PCDHA2: variants seen among roughly 807,000 people sequenced by gnomAD.
PCDHA2 encodes protocadherin alpha-2.
A neutral mutation model predicts 66.0 loss-of-function variants in PCDHA2; 58 were observed. That is an observed-to-expected ratio of 0.88 (90% CI 0.71 to 1.09). The LOEUF (loss-of-function observed/expected upper bound fraction) is 1.09, where lower values mean the gene tolerates loss of function less well. PCDHA2 is among the 50% of genes least tolerant of loss of function. PCDHA2 has a pLI of 0.00. For synonymous variants in PCDHA2, 634 were observed against 554.0 expected, an observed-to-expected ratio of 1.14 and a Z score of -2.03; for missense variants, 1,267 against 1,242.3, an observed-to-expected ratio of 1.02 and a Z score of -0.30.
At chr5:140,944,003 C>T (rs1185007409) in intron 1 of PCDHA2, among the ~76,000 whole-genome samples, 1 of 152,038 alleles carries the variant, frequency 6.6e-6, no homozygotes, top group Admixed American at 6.6e-5. Flanking sequence ...CTACTGAGTA[C>T]CCCCCAAAAG....
rs2150253260 is a variant in PCDHA2, at chr5:140,836,120, G to C, written c.2388+38768G>C. 16 of 1,613,628 alleles carry C rather than the reference G, an allele frequency of 9.9e-6. No individual in the cohort carries two copies. The African/African-American group carries it at 1.7e-4, about 18-fold the overall frequency. Reference sequence around the variant, plus strand: ...GTGGCACTGGTGGCGCAGTGAGAGAGCTTGTGCCGCGGTCTGTGGGCGCGG... The same window carrying C: ...GTGGCACTGGTGGCGCAGTGAGAGACCTTGTGCCGCGGTCTGTGGGCGCGG... On this transcript the variant is annotated intron_variant, in intron 1 of 3. Coordinates refer to ENST00000526136, the MANE Select transcript of PCDHA2 (RefSeq NM_018905.3).
intron 1 of PCDHA2, chr5:140,929,740 A>G (rs2086345950): frequency 5.1e-6 from 1 of 196,656 alleles, no homozygotes; most frequent in African/African-American, 2.3e-5. Context: ...AACTATTGCA[A>G]TGCATTATTA....
intron 1 of PCDHA2, chr5:140,843,073 T>A: frequency 6.3e-7 from 1 of 1,595,338 alleles, no homozygotes; most frequent in East Asian, 2.2e-5. Flanking sequence ...TGCCGCGGTC[T>A]GTGGGCGCGG....
At chr5:140,802,028 C>T in intron 1 of PCDHA2, 1 of 1,614,136 alleles carries the variant, frequency 6.2e-7, no homozygotes, top group South Asian at 1.1e-5. Context: ...ATAAGGATAT[C>T]GCGTATTCTT....
chr5:140,829,915 G>C (rs782789312), intron 1 of PCDHA2: 5 of 1,613,890 alleles, frequency 3.1e-6, no homozygotes, highest in Admixed American at 1.7e-5. Context: ...CGTGGCTTTC[G>C]TATGAGCTGC....
intron 1 of PCDHA2, chr5:140,857,033 A>C: frequency 1.3e-6 from 2 of 1,595,572 alleles, no homozygotes; most frequent in Non-Finnish European, 8.6e-7. Flanking sequence ...AAACCCACCT[A>C]TGGTTGGTCA....
intron 1 of PCDHA2, among the ~76,000 whole-genome samples, chr5:140,912,281 A>G (rs571303094): frequency 3.3e-5 from 5 of 152,200 alleles, no homozygotes; most frequent in Non-Finnish European, 7.4e-5. Context: ...ATACCCAGGA[A>G]CAATACTTTG....
chr5:140,991,172 G>T (rs2097436221), intron 3 of PCDHA2, among the ~76,000 whole-genome samples: 1 of 152,160 alleles, frequency 6.6e-6, no homozygotes, highest in Non-Finnish European at 1.5e-5. Flanking sequence ...CCATTGTCAA[G>T]CAGGATGCCT....
At chr5:140,970,252 T>A (rs2096392828) in intron 1 of PCDHA2, among the ~76,000 whole-genome samples, 1 of 152,234 alleles carries the variant, frequency 6.6e-6, no homozygotes, top group Non-Finnish European at 1.5e-5. Context: ...GTTGACAGTT[T>A]CTATGGTTTT....
rs201598508 is a variant in PCDHA2, at chr5:140,795,589, A to G, written c.625A>G (p.Asn209Asp). 3.7e-6 allele frequency: 6 copies of G among 1,614,128 alleles called. No individual in the cohort carries two copies. Among genetic ancestry groups the G allele is most frequent in the Admixed American group, 1.7e-5 (1 of 60,008 alleles). Residue 209 changes from asparagine (N) to aspartate (D), a missense_variant, in exon 1 of 4, where the codon AAT (asparagine) becomes GAT (aspartate). Coordinates refer to ENST00000526136, the MANE Select transcript of PCDHA2 (RefSeq NM_018905.3). Reference protein sequence around the residue: ...SLDREETAEVNLLLVATDGGK... With the variant: ...SLDREETAEVDLLLVATDGGK... ...GGACAGAGAGGAAACTGCTGAGGTT[A>G]ATTTGTTACTGGTGGCTACTGATGG...
intron 1 of PCDHA2, chr5:140,834,474 C>T (rs1554134247): frequency 1.1e-5 from 17 of 1,614,166 alleles, no homozygotes; most frequent in Non-Finnish European, 1.3e-5. Flanking sequence ...GAGAGGCCAG[C>T]TCCACTACTC....
At chr5:140,912,130 T>A (rs1554195167) in intron 1 of PCDHA2, among the ~76,000 whole-genome samples, 1 of 152,156 alleles carries the variant, frequency 6.6e-6, no homozygotes, top group Non-Finnish European at 1.5e-5. Flanking sequence ...GTCAGTCTAA[T>A]CTCTCCATGT....
chr5:140,898,072 G>T (rs1412097602), intron 1 of PCDHA2, among the ~76,000 whole-genome samples: 1 of 152,012 alleles, frequency 6.6e-6, no homozygotes, highest in Non-Finnish European at 1.5e-5. Flanking sequence ...TGAGTTCATT[G>T]TAGATTCTGG....
chr5:140,834,682 C>G, intron 1 of PCDHA2: 5 of 1,614,204 alleles, frequency 3.1e-6, no homozygotes, highest in Non-Finnish European at 4.2e-6. Context: ...GGGCGGAGCG[C>G]GGAGTGCAGC....
intron 1 of PCDHA2, chr5:140,853,994 C>A (rs1157670229): frequency 4.2e-6 from 2 of 477,726 alleles, no homozygotes; most frequent in Non-Finnish European, 5.6e-6. Context: ...TGAGACTCAT[C>A]TCTGCCAAAA....
chr5:140,985,226 C>T (rs1319001576), intron 3 of PCDHA2, among the ~76,000 whole-genome samples: 6 of 152,126 alleles, frequency 3.9e-5, no homozygotes, highest in Admixed American at 6.5e-5. Flanking sequence ...CGTGAGCCAC[C>T]GCGCCTGGCC....
chr5:140,962,028 C>T (rs1046578713), intron 1 of PCDHA2, among the ~76,000 whole-genome samples: 81 of 152,150 alleles, frequency 5.3e-4, no homozygotes, highest in African/African-American at 1.8e-3. Context: ...GGACTACAGG[C>T]ACCCACCACC....
chr5:140,896,192 C>G (rs369443676), intron 1 of PCDHA2, among the ~76,000 whole-genome samples: 1 of 152,162 alleles, frequency 6.6e-6, no homozygotes, highest in African/African-American at 2.4e-5. Context: ...TGAATAGTGC[C>G]ATGATGAACA....
chr5:140,814,401 A>G (rs1765508125), intron 1 of PCDHA2: 2 of 151,200 alleles, frequency 1.3e-5, no homozygotes, highest in East Asian at 1.9e-4. Flanking sequence ...TTCTAGTGGA[A>G]TACTTCCCAA....
Sources: gnomAD v4.1 joint callset for allele counts (sites outside exome capture counted in the v4.1 genomes callset) on GRCh38, gnomAD v4.1.1 for gene constraint, MANE v1.5 for transcripts, NCBI Gene and HGNC (gene_info 2026-07-23, HGNC 2026-07-21) for gene names.